PAK4: variants seen among roughly 807,000 people sequenced by gnomAD.
The protein encoded by PAK4 is serine/threonine-protein kinase PAK 4.
In PAK4, 49 loss-of-function variants were observed where a neutral mutation model predicts 53.5. That is an observed-to-expected ratio of 0.92 (90% confidence interval 0.73 to 1.16). The LOEUF (loss-of-function observed/expected upper bound fraction) is 1.16, where lower values mean the gene tolerates loss of function less well. PAK4 is among the 50% of genes most tolerant of loss of function. PAK4 has a pLI of 0.00. For synonymous variants in PAK4, 376 were observed against 375.6 expected (o/e 1.00, Z -0.01); for missense variants, 824 against 850.7 (o/e 0.97, Z 0.39).
intron 1 of PAK4, among the ~76,000 whole-genome samples, chr19:39,157,052 G>T (rs1208303965): frequency 6.6e-6 from 1 of 152,114 alleles, no homozygotes; most frequent in Non-Finnish European, 1.5e-5. Flanking sequence ...TCTGAGCATA[G>T]GTCCCTGAGC....
chr19:39,169,728 A>G (rs767710744), exon 2 of PAK4: 3 of 1,608,440 alleles, frequency 1.9e-6, no homozygotes, highest in Non-Finnish European at 2.5e-6. Context: ...CCCCGCCTGC[A>G]TCACCTCCAT....
At chr19:39,170,727 A>G (rs980694942) in intron 2 of PAK4, among the ~76,000 whole-genome samples, 3 of 152,220 alleles carry the variant, frequency 2.0e-5, no homozygotes, top group Non-Finnish European at 4.4e-5. Flanking sequence ...CAAGTTGGCC[A>G]TAGACACAAG....
chr19:39,139,362 G>A (rs1307679523), intron 1 of PAK4, among the ~76,000 whole-genome samples: 1 of 152,106 alleles, frequency 6.6e-6, no homozygotes, highest in East Asian at 1.9e-4. Flanking sequence ...GGCCAGTGTC[G>A]GGGTACCCAG....
intron 1 of PAK4, among the ~76,000 whole-genome samples, chr19:39,137,563 T>G (rs1370754417): frequency 1.3e-5 from 2 of 151,070 alleles, no homozygotes; most frequent in Non-Finnish European, 3.0e-5. Flanking sequence ...TCTGGTGGTG[T>G]TTCCTCTGTG....
intron 1 of PAK4, chr19:39,168,827 G>C (rs187673293): frequency 6.6e-6 from 1 of 152,400 alleles, no homozygotes; most frequent in East Asian, 1.9e-4. Context: ...CCTGTGCTGA[G>C]TCAATATCCA....
chr19:39,177,473 G>C (rs969467034), intron 7 of PAK4, among the ~76,000 whole-genome samples: 2 of 152,084 alleles, frequency 1.3e-5, no homozygotes, highest in African/African-American at 4.8e-5. Flanking sequence ...AGGGGTGGGT[G>C]CTGGGGGGGC....
At position 39,145,922 on chromosome 19, in the gene PAK4, G is replaced by GGGT. The variant is rs2073991896; in HGVS notation, c.-23+20003_-23+20004insGGT. On this transcript the variant is annotated intron_variant, in intron 1 of 8. Transcript: ENST00000358301. The stretch of plus-strand genomic sequence containing the variant: ...TGACCTGGGATTGCCACCCAGCTCC[G>GGGT]CCACCTTCTAGCTGGACGGCCCTGG... Among the ~76,000 whole-genome samples the GGGT allele has an allele frequency of 3.3e-5, 5 of 152,048 alleles. No individual in the cohort carries two copies. In the South Asian group the frequency reaches 1.0e-3, roughly 32 times the overall value.
chr19:39,180,395 A>G (rs909304904), downstream of PAK4: 4 of 151,994 alleles, frequency 2.6e-5, no homozygotes, highest in Admixed American at 1.3e-4. Context: ...CACTGCACAC[A>G]CACTCCAGAA....
chr19:39,152,595 C>T (rs559379170), intron 1 of PAK4, among the ~76,000 whole-genome samples: 4 of 152,200 alleles, frequency 2.6e-5, no homozygotes, highest in African/African-American at 9.6e-5. Context: ...CATGAAATTG[C>T]GAAGAAGGGA....
At chr19:39,148,466 C>CCTTTTTTT (rs2074039465) in intron 1 of PAK4, among the ~76,000 whole-genome samples, 2 of 56,798 alleles carry the variant, frequency 3.5e-5, no homozygotes, top group African/African-American at 1.5e-4. Context: ...GTTTCTTCTG[C>CCTTTTTTT]TTTTTTTTTT....
chr19:39,148,576 T>C (rs1397439935), intron 1 of PAK4, among the ~76,000 whole-genome samples: 1 of 147,634 alleles, frequency 6.8e-6, no homozygotes, highest in Non-Finnish European at 1.5e-5. Context: ...TGCTTCAGCC[T>C]CCCAAGTAGC....
chr19:39,141,781 G>A (rs528046023), intron 1 of PAK4, among the ~76,000 whole-genome samples: 13 of 152,088 alleles, frequency 8.5e-5, no homozygotes, highest in African/African-American at 1.4e-4. Context: ...GATTACAGGC[G>A]CCCGCCACCA....
At chr19:39,137,139 A>G (rs186102012) in intron 1 of PAK4, among the ~76,000 whole-genome samples, 2 of 150,994 alleles carry the variant, frequency 1.3e-5, no homozygotes, top group East Asian at 2.0e-4. Flanking sequence ...TGCCTGATAC[A>G]TAAATATAAA....
intron 1 of PAK4, among the ~76,000 whole-genome samples, chr19:39,138,793 A>G (rs2073862985): frequency 6.6e-6 from 1 of 152,212 alleles, no homozygotes; most frequent in Non-Finnish European, 1.5e-5. Flanking sequence ...TGCCTTGACT[A>G]ATCAGCTTAC....
chr19:39,141,559 A>T (rs1202578133), intron 1 of PAK4, among the ~76,000 whole-genome samples: 1 of 151,994 alleles, frequency 6.6e-6, no homozygotes, highest in Non-Finnish European at 1.5e-5. Flanking sequence ...CAAGTGATAT[A>T]ACCATCTCAG....
chr19:39,176,800 C>T (rs1600414280), intron 7 of PAK4, 85 bp downstream of exon 8: 2 of 1,520,022 alleles, frequency 1.3e-6, no homozygotes, highest in Middle Eastern at 2.0e-4. Context: ...GAGATGGGGC[C>T]CAGTCTGGGG....
intron 8 of PAK4, 121 bp downstream of exon 9, chr19:39,177,930 G>A: frequency 8.5e-7 from 1 of 1,171,048 alleles, no homozygotes. Flanking sequence ...CTTACTGTGT[G>A]CTGGGCCCCC....
chr19:39,173,573 C>T lies in PAK4; in HGVS notation c.664-3C>T. ...ACTGACAGCTACCTCTCTTCTGTTTCAGGGGGAGCCTCATGACGTGGCCCC... is the reference window on the plus strand; with the variant it reads ...ACTGACAGCTACCTCTCTTCTGTTTTAGGGGGAGCCTCATGACGTGGCCCC... On this transcript the variant is annotated splice_region_variant and splice_polypyrimidine_tract_variant and intron_variant, in intron 3 of 8. Transcript: ENST00000358301. This position sits in a 1 kb window ranked among gnomAD's most constrained non-coding sequence, Gnocchi z 6.9. 2 of 1,519,054 alleles carry T rather than the reference C, an allele frequency of 1.3e-6. No homozygotes were observed. The highest frequency in any genetic ancestry group is 1.8e-6 in the Non-Finnish European group (2 of 1,134,926). The allele number at this position is 1,519,054 out of a possible 1,614,324, so 94.1% of individuals were successfully genotyped here.
At chr19:39,177,707 T>G (rs2074635144) in exon 8 of PAK4, 3 of 1,613,422 alleles carry the variant, frequency 1.9e-6, no homozygotes, top group African/African-American at 1.3e-5. Context: ...TAATGGTGAT[T>G]GAGATGGTGG....
Sources: allele counts gnomAD v4.1 joint callset (sites outside exome capture counted in the v4.1 genomes callset), GRCh38; gene constraint gnomAD v4.1.1; non-coding constraint Gnocchi (gnomAD v3.1); transcripts MANE v1.5; gene names NCBI Gene and HGNC (gene_info 2026-07-23, HGNC 2026-07-21).